The following CCDC33 variants were observed in gnomAD, a reference collection of about 807,000 sequenced individuals.
The protein encoded by CCDC33 is coiled-coil domain containing 33.
A neutral mutation model predicts 91.9 loss-of-function variants in CCDC33; 94 were observed. The ratio of observed to expected loss-of-function variants is 1.02; its 90% CI spans 0.87 to 1.21. The LOEUF (loss-of-function observed/expected upper bound fraction) is 1.21, where lower values mean the gene tolerates loss of function less well. CCDC33 is among the 50% of genes most tolerant of loss of function. CCDC33 has a pLI of 0.00. For synonymous variants in CCDC33, 396 were observed against 374.5 expected (o/e 1.06, Z -0.66); for missense variants, 940 against 935.5 (o/e 1.00, Z -0.06).
intron 11 of CCDC33, among the ~76,000 whole-genome samples, chr15:74,306,490 C>T (rs900389649): frequency 2.0e-5 from 3 of 152,146 alleles, no homozygotes; most frequent in Non-Finnish European, 4.4e-5. Context: ...TCCTCTTGTT[C>T]CTGCAAGAGG....
At chr15:74,242,437 A>G (rs891936624) in intron 1 of CCDC33, among the ~76,000 whole-genome samples, 2 of 152,156 alleles carry the variant, frequency 1.3e-5, no homozygotes, top group African/African-American at 4.8e-5. Context: ...GTAATAGGAC[A>G]TTGTTCTCAA....
chr15:74,333,286 A>G, intron 16 of CCDC33: 1 of 1,599,482 alleles, frequency 6.3e-7, no homozygotes, highest in Non-Finnish European at 8.5e-7. Flanking sequence ...CGCATGGCCC[A>G]GGCCACTCAG....
At chr15:74,281,720 G>T in intron 9 of CCDC33, 58 bp from the exon 10 acceptor site, 3 of 1,446,824 alleles carry the variant, frequency 2.1e-6, no homozygotes, top group Non-Finnish European at 2.9e-6. Context: ...CAGTAGGTGG[G>T]GCAGAGGCGG....
At chr15:74,305,344 G>A (rs987168845) in intron 11 of CCDC33, among the ~76,000 whole-genome samples, 4 of 152,342 alleles carry the variant, frequency 2.6e-5, no homozygotes, top group Middle Eastern at 3.4e-3. Flanking sequence ...AGCAACGGCT[G>A]TTTGCAGAGG....
intron 1 of CCDC33, 129 bp downstream of exon 1, chr15:74,236,869 T>C: frequency 1.1e-6 from 1 of 890,260 alleles, no homozygotes. Context: ...TTTTCACAGC[T>C]GTGAAATGGG....
At chr15:74,258,142 G>A (rs915674096) in intron 2 of CCDC33, among the ~76,000 whole-genome samples, 4 of 152,192 alleles carry the variant, frequency 2.6e-5, no homozygotes, top group African/African-American at 4.8e-5. Context: ...GGTCAAAGGT[G>A]CCCAATACCT....
intron 2 of CCDC33, among the ~76,000 whole-genome samples, chr15:74,255,311 G>A (rs1436221560): frequency 2.6e-5 from 4 of 152,212 alleles, no homozygotes; most frequent in East Asian, 1.9e-4. Flanking sequence ...AGTCAGCAGC[G>A]GTGAGCCAGG....
chr15:74,283,937 G>A (rs753601659), intron 10 of CCDC33, among the ~76,000 whole-genome samples: 3 of 152,072 alleles, frequency 2.0e-5, no homozygotes, highest in Admixed American at 6.5e-5. Flanking sequence ...ATATGTACAC[G>A]CTCTCACATA....
At chr15:74,240,839 C>G (rs189356227) in intron 1 of CCDC33, among the ~76,000 whole-genome samples, 33 of 152,272 alleles carry the variant, frequency 2.2e-4, no homozygotes, top group African/African-American at 7.7e-4. Flanking sequence ...GTGATTTGCC[C>G]GCCTCGGCCT....
chr15:74,285,984 ACGC>A (rs2059465823), intron 10 of CCDC33, among the ~76,000 whole-genome samples: 1 of 152,178 alleles, frequency 6.6e-6, no homozygotes, highest in African/African-American at 2.4e-5. Context: ...GCGGTGGCTC[ACGC>A]CTGTAATCCC....
intron 2 of CCDC33, among the ~76,000 whole-genome samples, chr15:74,248,333 TAA>T (rs751684993): frequency 1.6e-4 from 23 of 143,938 alleles, no homozygotes; most frequent in South Asian, 1.3e-3. Context: ...ATATTATATA[TAA>T]GTTTACATTC....
Position 74,262,545 on chromosome 15 carries a change from G to C in CCDC33, c.291G>C (p.Glu97Asp). 6.2e-7 allele frequency: 1 copy of C among 1,613,766 alleles called. No individual in the cohort carries two copies. Among genetic ancestry groups the C allele is most frequent in the Non-Finnish European group, 8.5e-7 (1 of 1,179,872 alleles). ...TCTGGGGGGACACGGTGAATGTGGA[G>C]ATCCAAGCTGAGGATGCAGGGCAAG... ...APIWGDTVNV[E>D]IQAEDAGQED... Residue 97 changes from glutamate (E) to aspartate (D), a missense_variant, in exon 3 of 19, where the codon GAG becomes GAC. Coordinates refer to ENST00000398814, the MANE Select transcript of CCDC33 (RefSeq NM_025055.5).
At chr15:74,335,787 G>A in intron 18 of CCDC33, 138 bp from the exon 19 acceptor site, 1 of 696,080 alleles carries the variant, frequency 1.4e-6, no homozygotes, top group Non-Finnish European at 2.5e-6. Context: ...GTGGCAAAAT[G>A]GGTTTAGAAA....
At chr15:74,283,952 C>A (rs2059424297) in intron 10 of CCDC33, among the ~76,000 whole-genome samples, 1 of 152,202 alleles carries the variant, frequency 6.6e-6, no homozygotes, top group Non-Finnish European at 1.5e-5. Context: ...CACATACATG[C>A]AAACTGACAC....
chr15:74,305,581 C>T (rs2059878540), intron 11 of CCDC33, among the ~76,000 whole-genome samples: 2 of 152,188 alleles, frequency 1.3e-5, no homozygotes, highest in Admixed American at 6.5e-5. Context: ...CAAGAAGGGG[C>T]CACATGAGCA....
intron 15 of CCDC33, 115 bp from the exon 16 acceptor site, chr15:74,332,564 G>T: frequency 9.0e-7 from 1 of 1,106,408 alleles, no homozygotes; most frequent in African/African-American, 1.6e-5. Context: ...GCCATTGAAG[G>T]CTTGGGAGTA....
intron 3 of CCDC33, among the ~76,000 whole-genome samples, chr15:74,265,183 C>T (rs1449966595): frequency 6.6e-6 from 1 of 152,204 alleles, no homozygotes; most frequent in East Asian, 1.9e-4. Flanking sequence ...CCAAATGACC[C>T]AGCGGCTGAG....
At chr15:74,227,275 C>T (rs947022595) in intron 2 of CCDC33, among the ~76,000 whole-genome samples, 7 of 152,224 alleles carry the variant, frequency 4.6e-5, no homozygotes, top group Admixed American at 1.3e-4. Flanking sequence ...AGTCAGCACA[C>T]AGGTGGGAAT....
chr15:74,322,761 C>T (rs894790476), intron 11 of CCDC33, among the ~76,000 whole-genome samples: 5 of 152,190 alleles, frequency 3.3e-5, no homozygotes, highest in Admixed American at 6.5e-5. Flanking sequence ...GAGGCGGCTG[C>T]CCTCTGCTGA....
Sources: allele counts gnomAD v4.1 joint callset (sites outside exome capture counted in the v4.1 genomes callset), GRCh38; gene constraint gnomAD v4.1.1; transcripts MANE v1.5; gene names NCBI Gene and HGNC (gene_info 2026-07-23, HGNC 2026-07-21).